The following COPB1 variants were observed in gnomAD, a reference collection of about 807,000 sequenced individuals.
COPB1 encodes the protein coat protein complex I subunit beta 1.
COPB1 carries 21 observed loss-of-function variants against 108.7 expected under a neutral mutation model. The ratio of observed to expected loss-of-function variants is 0.19; its 90% confidence interval spans 0.14 to 0.28. The LOEUF is 0.28. COPB1 is among the 10% of genes least tolerant of loss of function. The probability of loss-of-function intolerance (pLI) is 1.00; values close to 1 mark genes in which losing one functional copy is unlikely to be tolerated. For synonymous variants in COPB1, 378 were observed against 386.8 expected, an observed-to-expected ratio of 0.98 and a Z score of 0.27; for missense variants, 919 against 1,141.3, an observed-to-expected ratio of 0.81 and a Z score of 2.81.
intron 10 of COPB1, 115 bp from the exon 11 acceptor site, chr11:14,479,829 G>T: frequency 9.3e-7 from 1 of 1,080,208 alleles, no homozygotes; most frequent in Non-Finnish European, 1.3e-6. Flanking sequence ...TAAGAGACAG[G>T]GTCTTGCTTT....
chr11:14,469,361 A>G lies in COPB1; in HGVS notation c.1940T>C (p.Leu647Pro). ...CTTTTGGGATAATTTCTCTTCTTCT[A>G]GTTTAGCAGATAACATGTGAGAAAG... Reference protein sequence around the residue: ...QSLSHMLSAKLEEEKLSQKKE... With the variant: ...QSLSHMLSAKPEEEKLSQKKE... The change falls in exon 15 of 22, where the codon CTA becomes CCA. Residue 647 changes from leucine (L) to proline (P), a missense_variant. By Grantham distance (98) the Leu-to-Pro change is moderately conservative. Transcript: ENST00000439561. 1 of 1,613,994 alleles carries G rather than the reference A, an allele frequency of 6.2e-7. No homozygotes were observed. Among genetic ancestry groups the G allele is most frequent in the Non-Finnish European group, 8.5e-7 (1 of 1,179,882 alleles).
chr11:14,464,414 G>T (rs1200033430), intron 18 of COPB1, among the ~76,000 whole-genome samples: 1 of 151,836 alleles, frequency 6.6e-6, no homozygotes, highest in Non-Finnish European at 1.5e-5. Context: ...TCTATCATTT[G>T]TTCCTCACCA....
chr11:14,478,358 TTAGTC>T (rs1390670505), intron 11 of COPB1, among the ~76,000 whole-genome samples: 1 of 151,226 alleles, frequency 6.6e-6, no homozygotes, highest in Non-Finnish European at 1.5e-5. Context: ...GAGGATTGCT[TTAGTC>T]CAGGAGTTCG....
intron 18 of COPB1, among the ~76,000 whole-genome samples, chr11:14,462,843 C>T (rs771600878): frequency 6.6e-6 from 1 of 152,134 alleles, no homozygotes; most frequent in Non-Finnish European, 1.5e-5. Context: ...TAAATATACT[C>T]GAGGTTCTCT....
At position 14,474,533 on chromosome 11, in the gene COPB1, G is replaced by T. The variant is rs142993682; in HGVS notation, c.1699C>A (p.Arg567Ser). 1.8e-5 allele frequency: 29 copies of T among 1,613,636 alleles called. No individual in the cohort carries two copies. Among genetic ancestry groups the T allele is most frequent in the Non-Finnish European group, 2.5e-5 (29 of 1,179,828 alleles). The change falls in exon 14 of 22, where the codon CGC (arginine) becomes AGC (serine). Residue 567 changes from arginine (R) to serine (S), a missense_variant. Coordinates refer to ENST00000439561, the MANE Select transcript of COPB1 (RefSeq NM_001144061.2). The part of the protein sequence containing the change: ...LATTLTKIAL[R>S]YVALVQEKKK... ...TTCTCCTGAACCAAAGCTACATAGC[G>T]CAATGCAATCTTGGTCAGAGTTGTG...
rs993107104 is a variant in COPB1, at chr11:14,479,182, A to G, written c.1358+387T>C. On this transcript the variant is annotated intron_variant, in intron 11 of 21. Transcript: ENST00000439561. ...AATTTAGATGCAACAGTCCTTTCTC[A>G]TTAGCAAAGGCTCTCTGAAGGGAAA... Among the ~76,000 whole-genome samples, 6 of 152,320 alleles carry G rather than the reference A, an allele frequency of 3.9e-5. No homozygotes were observed. The South Asian group carries it at 1.0e-3, about 26-fold the overall frequency.
Position 14,461,176 on chromosome 11 carries a change from A to T in COPB1, c.2556+10T>A. The T allele has an allele frequency of 6.2e-7, 1 of 1,614,108 alleles. No individual in the cohort carries two copies. The highest frequency in any genetic ancestry group is 8.5e-7 in the Non-Finnish European group (1 of 1,179,992). On this transcript the variant is annotated intron_variant, in intron 19 of 21. Coordinates refer to ENST00000439561, the MANE Select transcript of COPB1 (RefSeq NM_001144061.2). ...ATAAAGGAATATGAGAAAATCTCCC[A>T]AGGACTAACTTTGTTTTCCCATTCA...
At chr11:14,471,516 T>C (rs1380366042) in intron 14 of COPB1, among the ~76,000 whole-genome samples, 1 of 152,206 alleles carries the variant, frequency 6.6e-6, no homozygotes, top group Non-Finnish European at 1.5e-5. Flanking sequence ...ACAAAAGAGT[T>C]ACAAAATAAA....
At chr11:14,490,026 A>G (rs1485825935) in intron 5 of COPB1, among the ~76,000 whole-genome samples, 2 of 152,234 alleles carry the variant, frequency 1.3e-5, no homozygotes, top group Non-Finnish European at 2.9e-5. Context: ...TATTTTGGTG[A>G]TAAATACTGG....
intron 4 of COPB1, among the ~76,000 whole-genome samples, chr11:14,492,234 T>A (rs564591432): frequency 6.1e-4 from 93 of 152,288 alleles, no homozygotes; most frequent in African/African-American, 2.2e-3. Flanking sequence ...CCAATTGTCC[T>A]ATAAATGGCC....
chr11:14,497,950 C>A (rs1565026714), intron 2 of COPB1, among the ~76,000 whole-genome samples: 1 of 152,128 alleles, frequency 6.6e-6, no homozygotes, highest in Non-Finnish European at 1.5e-5. Context: ...CATAGAAAGA[C>A]AAACTTCACA....
chr11:14,474,263 G>A, intron 14 of COPB1: 2 of 302,682 alleles, frequency 6.6e-6, no homozygotes. Flanking sequence ...ATAATCACAT[G>A]ACATTGTTAT....
chr11:14,492,011 T>A (rs1420268591), intron 4 of COPB1, among the ~76,000 whole-genome samples: 1 of 152,218 alleles, frequency 6.6e-6, no homozygotes, highest in African/African-American at 2.4e-5. Context: ...ACAATTATAA[T>A]TCATAGCTAG....
Position 14,474,513 on chromosome 11 carries a change from C to T in COPB1, c.1719G>A (p.Gln573=). The T allele has an allele frequency of 6.2e-7, 1 of 1,612,064 alleles. No homozygotes were observed. Among genetic ancestry groups the T allele is most frequent in the Non-Finnish European group, 8.5e-7 (1 of 1,179,004 alleles). The stretch of plus-strand genomic sequence containing the variant: ...AACTTACATTTTGCTTTTTCTTCTC[C>T]TGAACCAAAGCTACATAGCGCAATG... ...KIALRYVALV[Q]EKKKQNSFVA... The change falls in exon 14 of 22, where the codon CAG becomes CAA. Residue 573 remains glutamine, a synonymous_variant. Coordinates refer to ENST00000439561, the MANE Select transcript of COPB1 (RefSeq NM_001144061.2).
At chr11:14,489,767 T>C (rs1464318708) in intron 5 of COPB1, among the ~76,000 whole-genome samples, 1 of 152,156 alleles carries the variant, frequency 6.6e-6, no homozygotes, top group Non-Finnish European at 1.5e-5. Context: ...GTTTCAGTTT[T>C]GCAAGACAAA....
At chr11:14,482,471 C>T (rs1194043414) in intron 8 of COPB1, among the ~76,000 whole-genome samples, 1 of 152,066 alleles carries the variant, frequency 6.6e-6, no homozygotes, top group Admixed American at 6.5e-5. Flanking sequence ...GTCACTGTCG[C>T]TAAGAATAGT....
rs1850356830 is a variant in COPB1 at position 14,469,421 on chromosome 11, A to G, written c.1880T>C (p.Met627Thr). 6.2e-7 allele frequency: 1 copy of G among 1,614,088 alleles called. No individual in the cohort carries two copies. The highest frequency in any genetic ancestry group is 8.5e-7 in the Non-Finnish European group (1 of 1,180,028). Residue 627 changes from methionine to threonine, a missense_variant, in exon 15 of 22, where the codon ATG (methionine) becomes ACG (threonine). Coordinates refer to ENST00000439561, the MANE Select transcript of COPB1 (RefSeq NM_001144061.2). Reference protein sequence around the residue: ...LKVLSECSPLMNDIFNKECRQ... With the variant: ...LKVLSECSPLTNDIFNKECRQ... ...GCATTCCTTATTGAAAATGTCATTC[A>G]TTAAAGGTGAACATTCAGACAAGAC...
intron 6 of COPB1, 95 bp downstream of exon 6, chr11:14,488,397 A>G: frequency 1.7e-6 from 1 of 598,602 alleles, no homozygotes. Flanking sequence ...CTATTAAAAT[A>G]TATTATCCTA....
At chr11:14,482,557 C>CAA (rs1226451788) in intron 8 of COPB1, among the ~76,000 whole-genome samples, 1 of 150,346 alleles carries the variant, frequency 6.7e-6, no homozygotes, top group African/African-American at 2.5e-5. Context: ...TTTTTTGAGA[C>CAA]AGAGTCTCAC....
Sources: allele counts gnomAD v4.1 joint callset (sites outside exome capture counted in the v4.1 genomes callset), GRCh38; gene constraint gnomAD v4.1.1; transcripts MANE v1.5; gene names NCBI Gene and HGNC (gene_info 2026-07-23, HGNC 2026-07-21).